DHX34: variants seen among roughly 807,000 people sequenced by gnomAD.
The protein encoded by DHX34 is DExH-box helicase 34.
In DHX34, 96 loss-of-function variants were observed where a neutral mutation model predicts 111.1. The observed-to-expected ratio is 0.86, with a 90% CI of 0.73 to 1.02. The LOEUF is 1.02. Ranked by LOEUF, DHX34 falls within the 50% of genes least tolerant of loss-of-function variation. The pLI is 0.00. For missense variants in DHX34, 1,560 were observed against 1,579.9 expected (o/e 0.99, Z 0.21); for synonymous variants, 688 against 670.4 (o/e 1.03, Z -0.41).
Position 47,352,774 on chromosome 19 carries a change from A to G in DHX34, c.-257A>G, listed in dbSNP as rs1969324979. ...TTAAGAATCCAGGGCCTGAAAACCC[A>G]GAATGAACTTGTGTCCATCCCAGAG... On this transcript the variant is annotated 5_prime_UTR_variant, in exon 2 of 17. Transcript: ENST00000328771. 1 of 544,408 alleles carries G rather than the reference A, an allele frequency of 1.8e-6. No individual in the cohort carries two copies. Among genetic ancestry groups the G allele is most frequent in the South Asian group, 3.3e-5 (1 of 30,108 alleles). 33.7% of individuals were successfully genotyped at this position (544,408 alleles called of 1,614,324 possible).
At chr19:47,375,746 A>G (rs751556138) in intron 10 of DHX34, 38 bp downstream of exon 10, 6 of 1,560,296 alleles carry the variant, frequency 3.8e-6, no homozygotes, top group Non-Finnish European at 5.2e-6. Context: ...GGGTTTACCA[A>G]GGTGGGCCTT....
intron 11 of DHX34, 134 bp downstream of exon 11, chr19:47,376,231 A>T: frequency 7.0e-7 from 1 of 1,431,650 alleles, no homozygotes; most frequent in South Asian, 1.4e-5. Flanking sequence ...ACCCAGTGGG[A>T]GGACAGACCC....
intron 7 of DHX34, among the ~76,000 whole-genome samples, chr19:47,371,430 G>A (rs987753191): frequency 3.9e-5 from 6 of 152,214 alleles, no homozygotes; most frequent in African/African-American, 1.4e-4. Context: ...CTGAGGAGAG[G>A]CCAATGCTGT....
intron 2 of DHX34, among the ~76,000 whole-genome samples, chr19:47,354,163 A>G (rs1286770855): frequency 6.6e-6 from 1 of 152,150 alleles, no homozygotes; most frequent in African/African-American, 2.4e-5. Flanking sequence ...GGGTTTCACC[A>G]TGTTGGTCAG....
At position 47,353,067 on chromosome 19, in the gene DHX34, C is replaced by T. The variant is rs201208351; in HGVS notation, c.37C>T (p.Arg13Ter). 15 of 1,613,730 alleles carry T rather than the reference C, an allele frequency of 9.3e-6. No homozygotes were observed. The highest frequency in any genetic ancestry group is 4.5e-5 in the East Asian group (2 of 44,870). ...PPRTREGRDR[R>*]DHHRAPSEEE... ...TAGAACAAGGGAGGGCAGGGATCGC[C>T]GAGACCACCACCGGGCTCCCAGCGA... The change falls in exon 2 of 17, where the codon CGA becomes TGA. Residue 13 changes from arginine (R) to a stop codon, truncating the protein, a stop_gained. Transcript: ENST00000328771. LOFTEE classifies it high-confidence loss of function. The surrounding 1 kb of genome is among the most constrained non-coding windows in gnomAD (Gnocchi z 4.6).
At position 47,353,263 on chromosome 19, in the gene DHX34, A is replaced by G. The variant is rs1969343663; in HGVS notation, c.233A>G (p.Lys78Arg). ...QRFQNLKTSR[K>R]EEKDPGQPKH... ...TTCCAGAATCTCAAGACCTCCAGGA[A>G]GGAGGAGAAAGACCCTGGACAGCCC... is the stretch of plus-strand genomic sequence containing the variant. Residue 78 changes from lysine to arginine, a missense_variant, in exon 2 of 17, where the codon AAG becomes AGG. Transcript: ENST00000328771. The surrounding 1 kb of genome is among the most constrained non-coding windows in gnomAD (Gnocchi z 4.6). 3 of 1,614,170 alleles carry G rather than the reference A, an allele frequency of 1.9e-6. No homozygotes were observed. The highest frequency in any genetic ancestry group is 2.5e-6 in the Non-Finnish European group (3 of 1,180,024).
chr19:47,378,535 G>GCAGT (rs1970243056), intron 13 of DHX34, among the ~76,000 whole-genome samples: 1 of 152,124 alleles, frequency 6.6e-6, no homozygotes, highest in Admixed American at 6.5e-5. Flanking sequence ...TCCCTGCACT[G>GCAGT]GACTGCTTGT....
chr19:47,349,646 A>G (rs1599747178), intron 1 of DHX34, among the ~76,000 whole-genome samples: 1 of 152,210 alleles, frequency 6.6e-6, no homozygotes. Flanking sequence ...GAAGCTGAAA[A>G]CTAGAGAGCG....
intron 11 of DHX34, 54 bp from the exon 12 acceptor site, chr19:47,376,389 G>C: frequency 6.4e-7 from 1 of 1,573,836 alleles, no homozygotes; most frequent in Admixed American, 1.8e-5. Flanking sequence ...GAGGCATCCT[G>C]GGCAGAGGAG....
At chr19:47,378,008 G>A (rs1408956051) in intron 13 of DHX34, among the ~76,000 whole-genome samples, 4 of 152,140 alleles carry the variant, frequency 2.6e-5, no homozygotes, top group Non-Finnish European at 5.9e-5. Flanking sequence ...AGAGGGGACT[G>A]AAGCTCAGGC....
intron 7 of DHX34, among the ~76,000 whole-genome samples, chr19:47,369,238 A>G (rs552443733): frequency 6.6e-6 from 1 of 151,822 alleles, no homozygotes; most frequent in Non-Finnish European, 1.5e-5. Context: ...ATCTCAAACT[A>G]CTGACCTCAA....
rs1295955022 is a variant in DHX34 at position 47,375,458 on chromosome 19, G to GC, written c.2065-4dup. ...CTGAGGCCCTCACCCCTACCCACCTGCCCCTAGGAGCTGTTGGAGGACCAC... is the reference window on the plus strand; with the variant it reads ...CTGAGGCCCTCACCCCTACCCACCTGCCCCCTAGGAGCTGTTGGAGGACCAC... On this transcript the variant is annotated splice_region_variant and splice_polypyrimidine_tract_variant and intron_variant, in intron 9 of 16. Transcript: ENST00000328771. The GC allele has an allele frequency of 6.3e-7, 1 of 1,580,100 alleles. No homozygotes were observed. The highest frequency in any genetic ancestry group is 8.5e-7 in the Non-Finnish European group (1 of 1,170,756).
chr19:47,377,317 GGCCGCAGGCGTCA>G, intron 13 of DHX34, 111 bp downstream of exon 13: 1 of 1,150,462 alleles, frequency 8.7e-7, no homozygotes, highest in South Asian at 1.4e-5. Flanking sequence ...CACCTGGGCT[GGCCGCAGGCGTCA>G]GCCTTGGGCC....
In DHX34 at chr19:47,376,566, G is replaced by GT; in HGVS notation, c.2599+7dup. 1 of 1,553,400 alleles carries GT rather than the reference G, an allele frequency of 6.4e-7. No individual in the cohort carries two copies. Among genetic ancestry groups the GT allele is most frequent in the Non-Finnish European group, 8.7e-7 (1 of 1,149,216 alleles). ...CAACTGCGACGGAAGCCGAGGTACA[G>GT]TGAGCCCAGGCGGAAGGAACCCCCA... On this transcript the variant is annotated splice_region_variant and intron_variant, in intron 12 of 16. Coordinates refer to ENST00000328771, the MANE Select transcript of DHX34 (RefSeq NM_014681.6).
chr19:47,362,784 A>G, intron 6 of DHX34, 91 bp downstream of exon 6: 1 of 1,198,956 alleles, frequency 8.3e-7, no homozygotes, highest in Non-Finnish European at 1.1e-6. Flanking sequence ...ATTTTATTTT[A>G]TTTTGAGATA....
rs1368859401 is a variant in DHX34, at chr19:47,382,052, G to T, written c.3371G>T (p.Cys1124Phe). The T allele has an allele frequency of 6.2e-7, 1 of 1,614,136 alleles. No individual in the cohort carries two copies. The highest frequency in any genetic ancestry group is 8.5e-7 in the Non-Finnish European group (1 of 1,180,010). The stretch of plus-strand genomic sequence containing the variant: ...CAGAGGCCCTACCACTGCGAGGCCT[G>T]CGGGAAGGACTTCCTCTTTACACCC... Reference protein sequence around the residue: ...VLQRPYHCEACGKDFLFTPTE... With the variant: ...VLQRPYHCEAFGKDFLFTPTE... The change falls in exon 17 of 17, where the codon TGC becomes TTC. Residue 1124 changes from cysteine (C) to phenylalanine (F), a missense_variant. Cys to Phe is a radical substitution (Grantham distance 205). Coordinates refer to ENST00000328771, the MANE Select transcript of DHX34 (RefSeq NM_014681.6).
rs770841419 is a variant in DHX34 at position 47,373,587 on chromosome 19, T to C, written c.1963-12T>C. The C allele has an allele frequency of 1.2e-6, 2 of 1,612,126 alleles. No individual in the cohort carries two copies. Among genetic ancestry groups the C allele is most frequent in the South Asian group, 1.1e-5 (1 of 90,894 alleles). On this transcript the variant is annotated splice_polypyrimidine_tract_variant and intron_variant, in intron 8 of 16. Coordinates refer to ENST00000328771, the MANE Select transcript of DHX34 (RefSeq NM_014681.6). ...CAGGCCCTGACACCCTGGCGTCTGCTCCTCCACCCAGGTGAAATCTGAACG... is the reference window on the plus strand; with the variant it reads ...CAGGCCCTGACACCCTGGCGTCTGCCCCTCCACCCAGGTGAAATCTGAACG...
intron 3 of DHX34, among the ~76,000 whole-genome samples, chr19:47,356,498 C>T (rs370731010): frequency 6.6e-5 from 10 of 151,772 alleles, no homozygotes; most frequent in Admixed American, 1.3e-4. Context: ...GGCATGGTGA[C>T]GCACGCCTGT....
chr19:47,382,090 C>T lies in DHX34; in HGVS notation c.3409C>T (p.Arg1137Cys), dbSNP rs556959265. 47 of 1,614,066 alleles carry T rather than the reference C, an allele frequency of 2.9e-5. No individual in the cohort carries two copies. The highest frequency in any genetic ancestry group is 3.3e-4 in the Middle Eastern group (2 of 6,060). Residue 1137 changes from arginine (R) to cysteine (C), a missense_variant, in exon 17 of 17, where the codon CGC (arginine) becomes TGC (cysteine). Coordinates refer to ENST00000328771, the MANE Select transcript of DHX34 (RefSeq NM_014681.6). The stretch of plus-strand genomic sequence containing the variant: ...CCTCTTTACACCCACAGAGGTGCTG[C>T]GCCACCGGAAGCAGCACGTGTGAGC... The part of the protein sequence containing the change: ...DFLFTPTEVL[R>C]HRKQHV
Sources: allele counts gnomAD v4.1 joint callset (sites outside exome capture counted in the v4.1 genomes callset), GRCh38; gene constraint gnomAD v4.1.1; non-coding constraint Gnocchi (gnomAD v3.1); transcripts MANE v1.5; gene names NCBI Gene and HGNC (gene_info 2026-07-23, HGNC 2026-07-21).